EPN1: variants seen among roughly 807,000 people sequenced by gnomAD.
The protein encoded by EPN1 is epsin 1, also known as epsin-1.
Under a neutral mutation model 56.9 loss-of-function variants are expected in EPN1, and 25 were observed. The observed-to-expected ratio is 0.44, with a 90% CI of 0.32 to 0.61. The LOEUF is 0.61. Among genes scored for constraint, EPN1 ranks in the 20% least tolerant of loss-of-function variants. The probability of loss-of-function intolerance (pLI) is 0.05; values close to 1 mark genes in which losing one functional copy is unlikely to be tolerated. For missense variants in EPN1, 785 were observed against 823.7 expected (o/e 0.95, Z 0.58); for synonymous variants, 411 against 361.8 (o/e 1.14, Z -1.54).
At position 55,695,097 on chromosome 19, in the gene EPN1, TG is replaced by T. The variant is rs1447238882; in HGVS notation, c.1523-48del. ...CCTGCACATGCTGGATGGACACAGGTGGGCTGCGCCACTGACTCCACTCCGT... is the reference window on the plus strand; with the variant it reads ...CCTGCACATGCTGGATGGACACAGGTGGCTGCGCCACTGACTCCACTCCGT... On this transcript the variant is annotated intron_variant, in intron 10 of 10. Transcript: ENST00000270460. This position sits in a 1 kb window ranked among gnomAD's most constrained non-coding sequence, Gnocchi z 4.4. 24 of 1,611,096 alleles carry T rather than the reference TG, an allele frequency of 1.5e-5. No homozygotes were observed. The East Asian group carries it at 5.1e-4, about 34-fold the overall frequency.
chr19:55,691,806 C>T lies in EPN1; in HGVS notation c.815C>T (p.Thr272Ile), dbSNP rs1568576307. Residue 272 changes from threonine (T) to isoleucine (I), a missense_variant, in exon 7 of 11, where the codon ACC becomes ATC. By Grantham distance (89) the Thr-to-Ile change is moderately conservative. Around this residue, in one of 2 missense-constraint regions of EPN1, gnomAD observed 650 missense variants for 605.0 expected, o/e 1.07. Coordinates refer to ENST00000270460, the MANE Select transcript of EPN1 (RefSeq NM_001130072.2). This position sits in a 1 kb window ranked among gnomAD's most constrained non-coding sequence, Gnocchi z 5.6. ...TTCACGGCCCCAGCTCCTGCCCCGA[C>T]CACAGACCCCTGGGGGGGCCCAGCA... Reference protein sequence around the residue: ...DVFTAPAPAPTTDPWGGPAPM... With the variant: ...DVFTAPAPAPITDPWGGPAPM... The T allele has an allele frequency of 1.2e-6, 2 of 1,612,576 alleles. No homozygotes were observed. The highest frequency in any genetic ancestry group is 1.3e-5 in the African/African-American group (1 of 75,038).
intron 9 of EPN1, among the ~76,000 whole-genome samples, chr19:55,693,713 G>C (rs1986729369): frequency 6.6e-6 from 1 of 152,148 alleles, no homozygotes; most frequent in South Asian, 2.1e-4. Context: ...TGTTAGTGAA[G>C]AGCAGGTTGT....
rs899218585 is a variant in EPN1 at position 55,695,118 on chromosome 19, C to G, written c.1523-30C>G. The G allele has an allele frequency of 6.2e-7, 1 of 1,613,222 alleles. No individual in the cohort carries two copies. The highest frequency in any genetic ancestry group is 2.2e-5 in the East Asian group (1 of 44,866). On this transcript the variant is annotated intron_variant, in intron 10 of 10. Coordinates refer to ENST00000270460, the MANE Select transcript of EPN1 (RefSeq NM_001130072.2). The surrounding 1 kb of genome is among the most constrained non-coding windows in gnomAD (Gnocchi z 4.4). ...CAGGTGGGCTGCGCCACTGACTCCA[C>G]TCCGTGTCTCTGGTTTACTCTTCCT... is the stretch of plus-strand genomic sequence containing the variant.
chr19:55,692,943 C>T lies in EPN1; in HGVS notation c.1178-8C>T. 4 of 1,613,294 alleles carry T rather than the reference C, an allele frequency of 2.5e-6. No homozygotes were observed. The highest frequency in any genetic ancestry group is 3.4e-6 in the Non-Finnish European group (4 of 1,179,670). ...GGAGGGGCTGAGCAGAACATCCTGA[C>T]CCCACAGCAGCCGGGGGATTCGACA... On this transcript the variant is annotated splice_region_variant and splice_polypyrimidine_tract_variant and intron_variant, in intron 8 of 10. Transcript: ENST00000270460.
chr19:55,694,817 G>A lies in EPN1; in HGVS notation c.1356G>A (p.Val452=). Residue 452 remains valine, a synonymous_variant, in exon 10 of 11, where the codon GTG becomes GTA. Coordinates refer to ENST00000270460, the MANE Select transcript of EPN1 (RefSeq NM_001130072.2). This position sits in a 1 kb window ranked among gnomAD's most constrained non-coding sequence, Gnocchi z 4.2. The stretch of plus-strand genomic sequence containing the variant: ...TCAGGGGATCTCTGGCTGAGGCTGT[G>A]GGCAGCCCCCCACCTGCAGCCACAC... The part of the protein sequence containing the change: ...SGVRGSLAEA[V]GSPPPAATPT... 11 of 1,610,160 alleles carry A rather than the reference G, an allele frequency of 6.8e-6. No homozygotes were observed. Among genetic ancestry groups the A allele is most frequent in the Non-Finnish European group, 8.5e-6 (10 of 1,178,530 alleles).
intron 2 of EPN1, among the ~76,000 whole-genome samples, chr19:55,682,092 C>T (rs1291834183): frequency 2.0e-5 from 3 of 152,090 alleles, no homozygotes; most frequent in Non-Finnish European, 4.4e-5. Context: ...AGTCATGAGC[C>T]ACTACACCTG....
intron 2 of EPN1, among the ~76,000 whole-genome samples, chr19:55,680,165 T>C (rs1051439423): frequency 6.6e-6 from 1 of 152,196 alleles, no homozygotes; most frequent in Admixed American, 6.5e-5. Context: ...AGGCGGGGCT[T>C]GGGCTGCTTT....
rs112171493 is a variant in EPN1 at position 55,709,026 on chromosome 19, A to G, written c.*13670A>G. On this transcript the variant is annotated 3_prime_UTR_variant, in exon 11 of 11. Coordinates refer to ENST00000270460, the MANE Select transcript of EPN1 (RefSeq NM_001130072.2). ...TCAGGATCTTCTGAGTTTCTTCATC[A>G]AAGCCAGATTTGTGCAGCCTGGGAA... The G allele has an allele frequency of 6.3e-7, 1 of 1,578,012 alleles. No individual in the cohort carries two copies. Among genetic ancestry groups the G allele is most frequent in the Non-Finnish European group, 8.6e-7 (1 of 1,168,688 alleles).
chr19:55,682,728 C>A lies in EPN1; in HGVS notation c.229-2668C>A, dbSNP rs140100359. Among the ~76,000 whole-genome samples the A allele has an allele frequency of 5.0e-3, 756 of 151,846 alleles. 3 individuals carry two copies. Among genetic ancestry groups the A allele is most frequent in the African/African-American group, 0.018 (736 of 41,380 alleles). On this transcript the variant is annotated intron_variant, in intron 2 of 10. Transcript: ENST00000270460. ...GGTTACAGGATTTTGCCACTGCACC[C>A]GATTTTATATATTTATTTAATTATT...
At chr19:55,690,088 G>A (rs1262700005) in intron 6 of EPN1, 138 bp downstream of exon 6, 2 of 879,556 alleles carry the variant, frequency 2.3e-6, no homozygotes, top group South Asian at 1.7e-5. Context: ...TCCAGGCTTG[G>A]TCGGCCTCTC....
chr19:55,692,654 CCA>C, intron 7 of EPN1, 30 bp from the exon 8 acceptor site: 1 of 1,409,014 alleles, frequency 7.1e-7, no homozygotes, highest in Non-Finnish European at 9.5e-7. Flanking sequence ...GTCAAGGTTG[CCA>C]GCCCCTCATG....
chr19:55,695,646 AC>A lies in EPN1; in HGVS notation c.*295del. The A allele has an allele frequency of 2.4e-6, 1 of 415,284 alleles. No individual in the cohort carries two copies. Among genetic ancestry groups the A allele is most frequent in the Non-Finnish European group, 4.3e-6 (1 of 230,362 alleles). 25.7% of individuals were successfully genotyped at this position (415,284 alleles called of 1,614,324 possible). On this transcript the variant is annotated 3_prime_UTR_variant, in exon 11 of 11. Transcript: ENST00000270460. The surrounding 1 kb of genome is among the most constrained non-coding windows in gnomAD (Gnocchi z 4.4). ...CATTCCCCCTCCCTCCAAACTCCCA[AC>A]CCCCAGTCAGTGTTTGAGCCTCCTC...
Position 55,689,872 on chromosome 19 carries a change from G to A in EPN1, c.684G>A (p.Glu228=). The change falls in exon 6 of 11, where the codon GAG becomes GAA. Residue 228 remains glutamate, a synonymous_variant. Coordinates refer to ENST00000270460, the MANE Select transcript of EPN1 (RefSeq NM_001130072.2). This position sits in a 1 kb window ranked among gnomAD's most constrained non-coding sequence, Gnocchi z 5.7. ...TCGTGCCCGTGCCCCAACAGGAGGA[G>A]CGGATCCGTCGCGGGGATGACCTGC... ...SLSREEHDKE[E]RIRRGDDLRL... The A allele has an allele frequency of 6.2e-7, 1 of 1,601,446 alleles. No individual in the cohort carries two copies. The highest frequency in any genetic ancestry group is 8.5e-7 in the Non-Finnish European group (1 of 1,174,456).
chr19:55,686,449 C>T (rs1242389338), intron 3 of EPN1, among the ~76,000 whole-genome samples: 1 of 152,090 alleles, frequency 6.6e-6, no homozygotes, highest in East Asian at 1.9e-4. Context: ...GCTGCTAGAG[C>T]ACTGCCCTGG....
chr19:55,688,805 G>T, intron 3 of EPN1, 65 bp from the exon 4 acceptor site: 1 of 1,547,674 alleles, frequency 6.5e-7, no homozygotes. Flanking sequence ...GTCTGTCTAG[G>T]CTATGGGGTT....
intron 9 of EPN1, among the ~76,000 whole-genome samples, chr19:55,693,860 T>G (rs775543147): frequency 2.6e-5 from 4 of 152,150 alleles, no homozygotes; most frequent in African/African-American, 9.7e-5. Flanking sequence ...TTTAGGCCCT[T>G]TTTTGTCCCA....
intron 7 of EPN1, 115 bp downstream of exon 7, chr19:55,692,172 G>A (rs911682492): frequency 3.2e-5 from 33 of 1,046,272 alleles, no homozygotes; most frequent in South Asian, 2.4e-4. Flanking sequence ...GTGGTGGGGC[G>A]TCCTGGGTGC....
chr19:55,688,245 T>C (rs10405078), intron 3 of EPN1, among the ~76,000 whole-genome samples: 17,809 of 151,920 alleles, frequency 0.12, 2,345 homozygotes, highest in African/African-American at 0.31. Context: ...TAGGCGGGGT[T>C]GCTGAGAGGA....
chr19:55,690,406 C>A (rs1375855842), intron 6 of EPN1, among the ~76,000 whole-genome samples: 5 of 152,266 alleles, frequency 3.3e-5, no homozygotes, highest in Non-Finnish European at 5.9e-5. Context: ...AACACTGTTT[C>A]TGTGGCGTCC....
Sources: gnomAD v4.1 joint callset for allele counts (sites outside exome capture counted in the v4.1 genomes callset) on GRCh38, gnomAD v4.1.1 for gene constraint, gnomAD v4.1.1 regional missense constraint, Gnocchi (gnomAD v3.1) non-coding constraint, MANE v1.5 for transcripts, NCBI Gene and HGNC (gene_info 2026-07-23, HGNC 2026-07-21) for gene names.